CAMK2D: variants seen among roughly 807,000 people sequenced by gnomAD.
CAMK2D encodes the protein calcium/calmodulin dependent protein kinase II delta, also known as calcium/calmodulin-dependent protein kinase type II subunit delta.
Under a neutral mutation model 84.0 loss-of-function variants are expected in CAMK2D, and 37 were observed. The ratio of observed to expected loss-of-function variants is 0.44; its 90% confidence interval spans 0.34 to 0.58. CAMK2D has a LOEUF of 0.58. Among genes scored for constraint, CAMK2D ranks in the 20% least tolerant of loss-of-function variants. CAMK2D has a pLI of 0.02. For synonymous variants in CAMK2D, 202 were observed against 212.5 expected (o/e 0.95, Z 0.43); for missense variants, 448 against 652.5 (o/e 0.69, Z 3.41).
Position 113,759,310 on chromosome 4 carries a change from A to G in CAMK2D, c.160+10T>C. 6.3e-7 allele frequency: 1 copy of G among 1,580,254 alleles called. No individual in the cohort carries two copies. Among genetic ancestry groups the G allele is most frequent in the Non-Finnish European group, 8.7e-7 (1 of 1,152,652 alleles). Reference sequence around the variant, plus strand: ...AAAATTAACCAATATATGTGGTTGAAAATACCCACCCCTAGCAGAAAGCTT... The same window carrying G: ...AAAATTAACCAATATATGTGGTTGAGAATACCCACCCCTAGCAGAAAGCTT... On this transcript the variant is annotated intron_variant, in intron 2 of 20. Coordinates refer to ENST00000511664, the MANE Select transcript of CAMK2D (RefSeq NM_001321571.2).
intron 4 of CAMK2D, among the ~76,000 whole-genome samples, chr4:113,607,098 T>C (rs908701726): frequency 6.6e-6 from 1 of 151,934 alleles, no homozygotes; most frequent in Admixed American, 6.6e-5. Context: ...AACAATTTGT[T>C]GCTAGCATAC....
At chr4:113,547,918 G>A (rs529643034) in intron 5 of CAMK2D, among the ~76,000 whole-genome samples, 1 of 152,198 alleles carries the variant, frequency 6.6e-6, no homozygotes, top group Non-Finnish European at 1.5e-5. Context: ...GAGCCAGAAT[G>A]TGGGTCCATT....
chr4:113,606,860 C>T (rs1396499189), intron 4 of CAMK2D, among the ~76,000 whole-genome samples: 7 of 151,682 alleles, frequency 4.6e-5, no homozygotes, highest in Admixed American at 6.6e-5. Context: ...CCAAAGACAA[C>T]GAGAAAAAGA....
intron 4 of CAMK2D, among the ~76,000 whole-genome samples, chr4:113,594,735 G>A (rs891942865): frequency 6.6e-6 from 1 of 152,064 alleles, no homozygotes; most frequent in African/African-American, 2.4e-5. Context: ...AAACTGAAGA[G>A]CAAAGGAAGA....
chr4:113,682,383 T>C (rs2099348472), intron 2 of CAMK2D, among the ~76,000 whole-genome samples: 1 of 152,064 alleles, frequency 6.6e-6, no homozygotes. Context: ...ACTCAGACTT[T>C]TATAAATTAA....
At position 113,671,120 on chromosome 4, in the gene CAMK2D, C is replaced by T. The variant is rs149777530; in HGVS notation, c.161-9348G>A. Among the ~76,000 whole-genome samples, 870 of 152,138 alleles carry T rather than the reference C, an allele frequency of 5.7e-3. 24 individuals carry two copies. Among genetic ancestry groups the T allele is most frequent in the Admixed American group, 0.048 (736 of 15,280 alleles). On this transcript the variant is annotated intron_variant, in intron 2 of 20. Coordinates refer to ENST00000511664, the MANE Select transcript of CAMK2D (RefSeq NM_001321571.2). ...AAGCATTTTTCCTAAGAATTAAGTA[C>T]ACGAATTTATACAAAAAGTGAAAAG...
chr4:113,730,048 T>C (rs575383281), intron 2 of CAMK2D, among the ~76,000 whole-genome samples: 1 of 152,348 alleles, frequency 6.6e-6, no homozygotes, highest in East Asian at 1.9e-4. Flanking sequence ...CTTAGGTATA[T>C]GTTTGTTGTC....
chr4:113,460,919 AG>A (rs1164580516), intron 17 of CAMK2D, among the ~76,000 whole-genome samples: 1 of 152,074 alleles, frequency 6.6e-6, no homozygotes, highest in Non-Finnish European at 1.5e-5. Context: ...CTCGGACTCT[AG>A]GCACAAGTGA....
intron 7 of CAMK2D, among the ~76,000 whole-genome samples, chr4:113,533,939 G>T (rs2098473675): frequency 6.6e-6 from 1 of 151,468 alleles, no homozygotes; most frequent in African/African-American, 2.4e-5. Flanking sequence ...ATAATGCTTT[G>T]TATTATCTAT....
At chr4:113,503,337 T>G in intron 14 of CAMK2D, 1 of 539,876 alleles carries the variant, frequency 1.9e-6, no homozygotes, top group Non-Finnish European at 3.6e-6. Flanking sequence ...CATAGAGAAC[T>G]GGCCAAGGAC....
intron 2 of CAMK2D, among the ~76,000 whole-genome samples, chr4:113,729,621 T>C (rs528052255): frequency 6.6e-6 from 1 of 152,334 alleles, no homozygotes; most frequent in Admixed American, 6.5e-5. Context: ...AATCAATTTC[T>C]ATTACATCAC....
intron 2 of CAMK2D, among the ~76,000 whole-genome samples, chr4:113,695,280 AATAATTTCCTATTCAGTCTCAGTG>A (rs1330366083): frequency 6.6e-6 from 1 of 151,914 alleles, no homozygotes; most frequent in Non-Finnish European, 1.5e-5. Context: ...GAAATTTTGA[AATAATTTCCTATTCAGTCTCAGTG>A]ATTCAAATAC....
At chr4:113,555,914 T>C (rs1411807877) in intron 4 of CAMK2D, among the ~76,000 whole-genome samples, 1 of 152,006 alleles carries the variant, frequency 6.6e-6, no homozygotes, top group Non-Finnish European at 1.5e-5. Flanking sequence ...TCCAGAGAGC[T>C]CTCTCCTCTC....
intron 2 of CAMK2D, among the ~76,000 whole-genome samples, chr4:113,722,971 A>C (rs1386734091): frequency 6.6e-6 from 1 of 152,152 alleles, no homozygotes; most frequent in Non-Finnish European, 1.5e-5. Flanking sequence ...AAATATTAAA[A>C]ATGGGGAAGA....
intron 2 of CAMK2D, among the ~76,000 whole-genome samples, chr4:113,715,916 A>AG (rs2099511995): frequency 6.6e-6 from 1 of 152,144 alleles, no homozygotes; most frequent in African/African-American, 2.4e-5. Flanking sequence ...TACTCCCATT[A>AG]GTTTCTCTGA....
At chr4:113,587,194 C>T (rs946316972) in intron 4 of CAMK2D, among the ~76,000 whole-genome samples, 1 of 152,194 alleles carries the variant, frequency 6.6e-6, no homozygotes, top group Non-Finnish European at 1.5e-5. Context: ...TAGAATAATA[C>T]TATATACCTT....
At chr4:113,477,298 T>A (rs2097640977) in intron 16 of CAMK2D, among the ~76,000 whole-genome samples, 1 of 152,210 alleles carries the variant, frequency 6.6e-6, no homozygotes, top group South Asian at 2.1e-4. Context: ...GTTAAAAATA[T>A]CCTATCATAC....
At chr4:113,556,694 C>G (rs1009066095) in intron 4 of CAMK2D, among the ~76,000 whole-genome samples, 2 of 152,122 alleles carry the variant, frequency 1.3e-5, no homozygotes, top group Non-Finnish European at 2.9e-5. Context: ...CCCAGGGGCT[C>G]CCCAAAGACC....
At chr4:113,667,137 AC>A (rs2099260820) in intron 2 of CAMK2D, among the ~76,000 whole-genome samples, 1 of 152,218 alleles carries the variant, frequency 6.6e-6, no homozygotes, top group Admixed American at 6.5e-5. Context: ...TACTAAATGT[AC>A]CTAAACTATT....
Sources: gnomAD v4.1 joint callset for allele counts (sites outside exome capture counted in the v4.1 genomes callset) on GRCh38, gnomAD v4.1.1 for gene constraint, MANE v1.5 for transcripts, NCBI Gene and HGNC (gene_info 2026-07-23, HGNC 2026-07-21) for gene names.